The following MCPH1 variants were observed in gnomAD, a reference collection of about 807,000 sequenced individuals.
MCPH1 encodes the protein microcephalin 1.
MCPH1 carries 104 observed loss-of-function variants against 84.5 expected under a neutral mutation model. That is an observed-to-expected ratio of 1.23 (90% confidence interval 1.05 to 1.45). The LOEUF (loss-of-function observed/expected upper bound fraction) is 1.45, where lower values mean the gene tolerates loss of function less well. Among genes scored for constraint, MCPH1 ranks in the 40% most tolerant of loss-of-function variants. The pLI is 0.00. For synonymous variants in MCPH1, 514 were observed against 366.8 expected (o/e 1.40, Z -4.58); for missense variants, 1,498 against 1,005.7 (o/e 1.49, Z -6.62).
At chr8:6,431,380 T>C in intron 3 of MCPH1, 119 bp from the exon 4 acceptor site, 1 of 744,876 alleles carries the variant, frequency 1.3e-6, no homozygotes, top group Non-Finnish European at 2.3e-6. Context: ...TTTTTAAAAG[T>C]CTGTTAAAAT....
intron 12 of MCPH1, among the ~76,000 whole-genome samples, chr8:6,522,658 C>A (rs1002546192): frequency 1.1e-4 from 17 of 151,480 alleles, no homozygotes; most frequent in African/African-American, 4.1e-4. Flanking sequence ...AATGTAATCC[C>A]AGCTACTCAG....
At chr8:6,631,697 T>G (rs905570401) in intron 13 of MCPH1, among the ~76,000 whole-genome samples, 5 of 150,274 alleles carry the variant, frequency 3.3e-5, no homozygotes, top group Admixed American at 1.3e-4. Context: ...TTAGTAAGGA[T>G]GTGGAAAATT....
At chr8:6,503,238 G>A in intron 12 of MCPH1, 1 of 1,614,116 alleles carries the variant, frequency 6.2e-7, no homozygotes, top group Non-Finnish European at 8.5e-7. Flanking sequence ...AAGTTGGAAG[G>A]ACCACATGCA....
chr8:6,492,280 G>C (rs1423480855), intron 11 of MCPH1, among the ~76,000 whole-genome samples: 2 of 152,172 alleles, frequency 1.3e-5, no homozygotes, highest in African/African-American at 4.8e-5. Context: ...GTCTTCTTTT[G>C]AGAAGTGTCT....
chr8:6,454,417 G>A (rs1044678826), intron 8 of MCPH1, among the ~76,000 whole-genome samples: 1 of 152,186 alleles, frequency 6.6e-6, no homozygotes, highest in Non-Finnish European at 1.5e-5. Flanking sequence ...GTCCATGTTA[G>A]CTCCTCCTTC....
At chr8:6,509,123 A>G in intron 12 of MCPH1, 1 of 1,574,326 alleles carries the variant, frequency 6.4e-7, no homozygotes, top group African/African-American at 1.4e-5. Flanking sequence ...CGTAGTGGCA[A>G]ATTTTTTGTG....
At chr8:6,558,393 G>A (rs932951042) in intron 12 of MCPH1, among the ~76,000 whole-genome samples, 10 of 151,970 alleles carry the variant, frequency 6.6e-5, no homozygotes, top group Non-Finnish European at 1.2e-4. Flanking sequence ...CTCCCATGGC[G>A]GTAGAGTTGA....
intron 12 of MCPH1, among the ~76,000 whole-genome samples, chr8:6,599,236 G>C (rs1250744282): frequency 6.6e-6 from 1 of 152,146 alleles, no homozygotes; most frequent in African/African-American, 2.4e-5. Flanking sequence ...GGACCGGAAG[G>C]ATATTTTTAA....
chr8:6,621,099 C>G (rs1416889881), intron 12 of MCPH1: 1 of 355,826 alleles, frequency 2.8e-6, no homozygotes, highest in Non-Finnish European at 5.3e-6. Flanking sequence ...CCGTCACTTG[C>G]ACACGTCACC....
At chr8:6,563,728 G>T (rs1220957981) in intron 12 of MCPH1, among the ~76,000 whole-genome samples, 2 of 152,180 alleles carry the variant, frequency 1.3e-5, no homozygotes, top group Admixed American at 6.5e-5. Flanking sequence ...GGGAAAAATA[G>T]ATTCATTGAT....
Position 6,449,820 on chromosome 8 carries a change from C to G in MCPH1, c.1825+4273C>G, listed in dbSNP as rs1489887825. 6.6e-5 allele frequency among the ~76,000 whole-genome samples: 10 copies of G among 152,224 alleles called. No individual in the cohort carries two copies. In the East Asian group the frequency reaches 1.9e-3, roughly 29 times the overall value. On this transcript the variant is annotated intron_variant, in intron 8 of 13. Transcript: ENST00000344683. ...GCTTATGTGTGGAAATGTGTCCCAC[C>G]TGACCCTTAGCACTGCCAATCACAG...
chr8:6,452,143 A>G (rs1585856938), intron 8 of MCPH1, among the ~76,000 whole-genome samples: 1 of 152,230 alleles, frequency 6.6e-6, no homozygotes, highest in East Asian at 1.9e-4. Context: ...GTGTCCTTAT[A>G]CTGTCTTGCC....
intron 12 of MCPH1, among the ~76,000 whole-genome samples, chr8:6,521,756 C>T (rs750318226): frequency 1.2e-4 from 18 of 152,170 alleles, no homozygotes; most frequent in Non-Finnish European, 2.6e-4. Flanking sequence ...AAGCTTAGTG[C>T]TCATGAAGTG....
chr8:6,543,220 A>G (rs2129574157), intron 12 of MCPH1, among the ~76,000 whole-genome samples: 1 of 152,320 alleles, frequency 6.6e-6, no homozygotes, highest in South Asian at 2.1e-4. Flanking sequence ...TGCTCAAAAT[A>G]CACAGGATTA....
At position 6,515,862 on chromosome 8, in the gene MCPH1, C is replaced by G. The variant is rs1010545239; in HGVS notation, c.2214+15933C>G. On this transcript the variant is annotated intron_variant, in intron 12 of 13. Coordinates refer to ENST00000344683, the MANE Select transcript of MCPH1 (RefSeq NM_024596.5). Reference sequence around the variant, plus strand: ...TGTTCTCTGTTTACGAGTTAGAATCCTAAAGAGGAGAGCGAAAAGAGAACC... The same window carrying G: ...TGTTCTCTGTTTACGAGTTAGAATCGTAAAGAGGAGAGCGAAAAGAGAACC... Among the ~76,000 whole-genome samples, 3 of 152,136 alleles carry G rather than the reference C, an allele frequency of 2.0e-5. No individual in the cohort carries two copies. The East Asian group carries it at 5.8e-4, about 29-fold the overall frequency.
intron 9 of MCPH1, among the ~76,000 whole-genome samples, chr8:6,461,584 C>A (rs1296821892): frequency 1.3e-5 from 2 of 151,826 alleles, no homozygotes; most frequent in Non-Finnish European, 2.9e-5. Flanking sequence ...AAGTGATGTG[C>A]CCGCCTCAGC....
At chr8:6,428,328 G>C (rs901700020) in intron 3 of MCPH1, among the ~76,000 whole-genome samples, 2 of 152,138 alleles carry the variant, frequency 1.3e-5, no homozygotes, top group African/African-American at 2.4e-5. Flanking sequence ...ACATCAGTAT[G>C]TCGCTAGGCG....
rs17317651 is a variant in MCPH1, at chr8:6,643,248, G to A, written c.*199G>A. The A allele has an allele frequency of 1.9e-3, 1,172 of 614,002 alleles. 10 individuals are homozygous for A. The highest frequency in any genetic ancestry group is 0.019 in the African/African-American group (1,029 of 54,044). 38.0% of individuals were successfully genotyped at this position (614,002 alleles called of 1,614,324 possible). On this transcript the variant is annotated 3_prime_UTR_variant, in exon 14 of 14. Transcript: ENST00000344683. ...TGAATGTCTGTTTCAGAGACGCTTC[G>A]GGCCTTTTTATTTTTATTTTATTTT...
intron 12 of MCPH1, among the ~76,000 whole-genome samples, chr8:6,528,920 G>T (rs3824312): frequency 6.6e-6 from 1 of 152,070 alleles, no homozygotes; most frequent in Admixed American, 6.5e-5. Context: ...CTTGGCCAAC[G>T]TAAGGTTTTG....
Sources: gnomAD v4.1 joint callset for allele counts (sites outside exome capture counted in the v4.1 genomes callset) on GRCh38, gnomAD v4.1.1 for gene constraint, MANE v1.5 for transcripts, NCBI Gene and HGNC (gene_info 2026-07-23, HGNC 2026-07-21) for gene names.